TBC1D4: variants seen among roughly 807,000 people sequenced by gnomAD.
The protein encoded by TBC1D4 is TBC1 domain family member 4, also known as TBC (Tre-2, BUB2, CDC16) domain-containing protein.
TBC1D4 carries 121 observed loss-of-function variants against 142.5 expected under a neutral mutation model. The observed-to-expected ratio is 0.85, with a 90% CI of 0.73 to 0.99. TBC1D4 has a LOEUF of 0.99. Among genes scored for constraint, TBC1D4 ranks in the 50% least tolerant of loss-of-function variants. The probability of loss-of-function intolerance (pLI) is 0.00; values close to 1 mark genes in which losing one functional copy is unlikely to be tolerated. For missense variants in TBC1D4, 1,475 were observed against 1,606.6 expected (o/e 0.92, Z 1.40); for synonymous variants, 630 against 628.2 (o/e 1.00, Z -0.04).
In TBC1D4 at chr13:75,288,980, T is replaced by C. The variant is rs76851570; in HGVS notation, c.3617A>G (p.Asn1206Ser). 24,424 of 1,613,960 alleles carry C rather than the reference T, an allele frequency of 0.015. 251 individuals carry two copies. The highest frequency in any genetic ancestry group is 0.032 in the South Asian group (2,939 of 91,088). ...SETLEKLERA[N>S]SQLKRQNMDL... ...CATGTTTTGTCTTTTCAGTTGGCTA[T>C]TGGCCCTCTCCAGCTTCTCCAAAGT... Residue 1206 changes from asparagine to serine, a missense_variant, in exon 20 of 21, where the codon AAT becomes AGT. Coordinates refer to ENST00000377636, the MANE Select transcript of TBC1D4 (RefSeq NM_014832.5).
At chr13:75,355,560 A>G (rs1819153601) in intron 4 of TBC1D4, among the ~76,000 whole-genome samples, 1 of 152,222 alleles carries the variant, frequency 6.6e-6, no homozygotes, top group African/African-American at 2.4e-5. Flanking sequence ...TCTCTCCTTC[A>G]CAGCAATGAA....
At chr13:75,454,083 A>G (rs1842788205) in intron 1 of TBC1D4, among the ~76,000 whole-genome samples, 1 of 150,172 alleles carries the variant, frequency 6.7e-6, no homozygotes, top group Non-Finnish European at 1.5e-5. Context: ...GTGCAGTGGT[A>G]TGATCATGGC....
intron 8 of TBC1D4, among the ~76,000 whole-genome samples, chr13:75,331,693 A>G (rs1190341501): frequency 6.6e-6 from 1 of 152,154 alleles, no homozygotes; most frequent in Admixed American, 6.5e-5. Context: ...TTAGTGGTTA[A>G]TGAGCTGAGT....
At position 75,337,046 on chromosome 13, in the gene TBC1D4, A is replaced by C; in HGVS notation, c.1612-6T>G. The stretch of plus-strand genomic sequence containing the variant: ...ATTGTACTATTTGAAATAGTCTAAA[A>C]AAAGAAAAACAGATACATTTTAGTT... On this transcript the variant is annotated splice_polypyrimidine_tract_variant and splice_region_variant and intron_variant, in intron 7 of 20. Transcript: ENST00000377636. The C allele has an allele frequency of 6.2e-7, 1 of 1,611,990 alleles. No individual in the cohort carries two copies. The highest frequency in any genetic ancestry group is 1.7e-4 in the Middle Eastern group (1 of 6,018).
chr13:75,347,793 A>C lies in TBC1D4; in HGVS notation c.1408+1377T>G, dbSNP rs143899827. ...TAAATGCTTTATGTGTTTGAAAATA[A>C]TGTACATTCTGCAATATTACAATTA... On this transcript the variant is annotated intron_variant, in intron 5 of 20. Coordinates refer to ENST00000377636, the MANE Select transcript of TBC1D4 (RefSeq NM_014832.5). 2.6e-5 allele frequency among the ~76,000 whole-genome samples: 4 copies of C among 152,252 alleles called. No homozygotes were observed. In the East Asian group the frequency reaches 7.7e-4, roughly 29 times the overall value.
At chr13:75,353,648 G>A (rs539297353) in intron 4 of TBC1D4, among the ~76,000 whole-genome samples, 27 of 152,200 alleles carry the variant, frequency 1.8e-4, no homozygotes, top group African/African-American at 6.0e-4. Context: ...GAAAGGCTTC[G>A]GTAGGATGTG....
intron 11 of TBC1D4, among the ~76,000 whole-genome samples, chr13:75,322,911 C>T (rs554855904): frequency 2.3e-4 from 35 of 152,102 alleles, no homozygotes; most frequent in Non-Finnish European, 4.4e-4. Flanking sequence ...GTAAATTCTT[C>T]ATATACTTTC....
At chr13:75,376,967 C>T (rs1883546106) in intron 1 of TBC1D4, among the ~76,000 whole-genome samples, 1 of 152,188 alleles carries the variant, frequency 6.6e-6, no homozygotes, top group African/African-American at 2.4e-5. Context: ...AATTTACGAG[C>T]CACTGAGGGT....
At chr13:75,371,082 G>C (rs377506587) in intron 1 of TBC1D4, among the ~76,000 whole-genome samples, 1 of 152,178 alleles carries the variant, frequency 6.6e-6, no homozygotes, top group African/African-American at 2.4e-5. Flanking sequence ...CAAAAGAAAA[G>C]AGTAATCAAC....
chr13:75,388,942 C>T (rs1163960082), intron 1 of TBC1D4, among the ~76,000 whole-genome samples: 2 of 152,152 alleles, frequency 1.3e-5, no homozygotes, highest in Non-Finnish European at 2.9e-5. Context: ...TTTGTGTAGC[C>T]TTGTACAAAT....
intron 19 of TBC1D4, 66 bp from the exon 20 acceptor site, chr13:75,289,176 C>T: frequency 6.3e-7 from 1 of 1,576,044 alleles, no homozygotes; most frequent in African/African-American, 1.3e-5. Context: ...GCCTGTTTAT[C>T]TTGGTATATT....
intron 1 of TBC1D4, among the ~76,000 whole-genome samples, chr13:75,439,650 G>C (rs975149947): frequency 1.3e-5 from 2 of 152,062 alleles, no homozygotes; most frequent in African/African-American, 4.8e-5. Context: ...TTTTGTTGTT[G>C]TCATTGTTGT....
chr13:75,480,044 C>CAAA (rs1219620258), intron 1 of TBC1D4, among the ~76,000 whole-genome samples: 37 of 150,896 alleles, frequency 2.5e-4, no homozygotes, highest in African/African-American at 7.3e-4. Flanking sequence ...AAAAAAAAAA[C>CAAA]CTATTTTTCA....
chr13:75,295,216 TAAG>T (rs1566345398), intron 17 of TBC1D4, among the ~76,000 whole-genome samples: 1 of 152,198 alleles, frequency 6.6e-6, no homozygotes, highest in Non-Finnish European at 1.5e-5. Context: ...AAAGTCTATC[TAAG>T]AAGACTGAGC....
Position 75,308,979 on chromosome 13 carries a change from G to A in TBC1D4, c.2593+963C>T, listed in dbSNP as rs567647007. 8.6e-4 allele frequency among the ~76,000 whole-genome samples: 131 copies of A among 152,202 alleles called. 1 individual carries two copies. Among genetic ancestry groups the A allele is most frequent in the South Asian group, 7.0e-3 (34 of 4,826 alleles). On this transcript the variant is annotated intron_variant, in intron 14 of 20. Transcript: ENST00000377636. ...TAGTAACAAGAATCTTAAGGTAGAT[G>A]ATAAAGTCAGAAATGTGGAATACCT...
At chr13:75,343,687 T>C (rs576808733) in intron 5 of TBC1D4, among the ~76,000 whole-genome samples, 1 of 152,246 alleles carries the variant, frequency 6.6e-6, no homozygotes, top group Non-Finnish European at 1.5e-5. Context: ...CAGCTACTTT[T>C]GTATTTTTAG....
intron 1 of TBC1D4, among the ~76,000 whole-genome samples, chr13:75,468,300 A>C (rs947648795): frequency 1.8e-4 from 28 of 152,190 alleles, no homozygotes; most frequent in Admixed American, 1.8e-3. Flanking sequence ...AGCCATTCTC[A>C]AGCACTGTGT....
At chr13:75,449,206 T>C (rs1005972813) in intron 1 of TBC1D4, among the ~76,000 whole-genome samples, 1 of 152,000 alleles carries the variant, frequency 6.6e-6, no homozygotes, top group Non-Finnish European at 1.5e-5. Context: ...AAAACTGCAA[T>C]ATTATTGAAT....
chr13:75,345,391 A>G (rs1881064370), intron 5 of TBC1D4, among the ~76,000 whole-genome samples: 1 of 152,144 alleles, frequency 6.6e-6, no homozygotes, highest in Admixed American at 6.5e-5. Flanking sequence ...AAAAAGGAGG[A>G]AGGAAAAAAT....
Sources: allele counts gnomAD v4.1 joint callset (sites outside exome capture counted in the v4.1 genomes callset), GRCh38; gene constraint gnomAD v4.1.1; transcripts MANE v1.5; gene names NCBI Gene and HGNC (gene_info 2026-07-23, HGNC 2026-07-21).